The following NXPH1 variants were observed in gnomAD, a reference collection of about 807,000 sequenced individuals.
NXPH1 encodes neurexophilin 1.
A neutral mutation model predicts 23.7 loss-of-function variants in NXPH1; 5 were observed. The observed-to-expected ratio is 0.21, with a 90% CI of 0.11 to 0.44. NXPH1 has a LOEUF of 0.44. Among genes scored for constraint, NXPH1 ranks in the 20% least tolerant of loss-of-function variants. NXPH1 has a pLI of 0.99. For synonymous variants in NXPH1, 144 were observed against 122.2 expected (o/e 1.18, Z -1.18); for missense variants, 324 against 321.6 (o/e 1.01, Z -0.06).
chr7:8,654,602 C>T (rs187749539), intron 2 of NXPH1, among the ~76,000 whole-genome samples: 14 of 152,290 alleles, frequency 9.2e-5, no homozygotes, highest in Non-Finnish European at 1.9e-4. Flanking sequence ...CTTTGTGTGG[C>T]CTATAAAACA....
chr7:8,460,318 A>G (rs1223914991), intron 2 of NXPH1, among the ~76,000 whole-genome samples: 2 of 152,158 alleles, frequency 1.3e-5, no homozygotes, highest in Non-Finnish European at 2.9e-5. Flanking sequence ...TTCCCATTCC[A>G]AAAGAAGATG....
intron 2 of NXPH1, among the ~76,000 whole-genome samples, chr7:8,452,120 A>G (rs954607718): frequency 3.9e-5 from 6 of 152,216 alleles, no homozygotes; most frequent in Non-Finnish European, 8.8e-5. Flanking sequence ...AGGCCCGGAA[A>G]TGGAACTTTG....
At chr7:8,641,683 C>A (rs555236604) in intron 2 of NXPH1, among the ~76,000 whole-genome samples, 8 of 152,196 alleles carry the variant, frequency 5.3e-5, no homozygotes, top group South Asian at 4.1e-4. Context: ...ATGAGAATTT[C>A]CACCACTCCT....
chr7:8,496,195 T>G (rs1817334962), intron 2 of NXPH1, among the ~76,000 whole-genome samples: 2 of 152,024 alleles, frequency 1.3e-5, no homozygotes, highest in Admixed American at 1.3e-4. Context: ...TACCATTTCA[T>G]GTCGGGCCTT....
At chr7:8,687,119 C>G (rs1398999844) in intron 2 of NXPH1, among the ~76,000 whole-genome samples, 1 of 152,104 alleles carries the variant, frequency 6.6e-6, no homozygotes, top group Non-Finnish European at 1.5e-5. Flanking sequence ...TCATTACCTT[C>G]CTACTTACTC....
At chr7:8,679,336 A>T (rs188478510) in intron 2 of NXPH1, among the ~76,000 whole-genome samples, 70 of 152,324 alleles carry the variant, frequency 4.6e-4, no homozygotes, top group African/African-American at 1.6e-3. Context: ...AATTTGCAAC[A>T]TTATGGGCTA....
chr7:8,692,388 A>C (rs1366630139), intron 2 of NXPH1, among the ~76,000 whole-genome samples: 8 of 152,188 alleles, frequency 5.3e-5, no homozygotes, highest in Non-Finnish European at 1.2e-4. Context: ...TGGTGACAGC[A>C]CTGGAGAGAA....
intron 2 of NXPH1, among the ~76,000 whole-genome samples, chr7:8,478,925 CTAT>C (rs1366174852): frequency 5.9e-5 from 9 of 152,042 alleles, no homozygotes; most frequent in Non-Finnish European, 1.2e-4. Context: ...AGGGCTCAGA[CTAT>C]TATTGGCATA....
chr7:8,699,493 G>T (rs1472606611), intron 2 of NXPH1, among the ~76,000 whole-genome samples: 1 of 152,032 alleles, frequency 6.6e-6, no homozygotes, highest in Non-Finnish European at 1.5e-5. Context: ...AATTAACTTG[G>T]CAGTAATTCT....
chr7:8,468,553 G>A (rs1816820863), intron 2 of NXPH1, among the ~76,000 whole-genome samples: 1 of 151,960 alleles, frequency 6.6e-6, no homozygotes, highest in Non-Finnish European at 1.5e-5. Flanking sequence ...CCCATGTCCT[G>A]CTATCTTATT....
intron 2 of NXPH1, among the ~76,000 whole-genome samples, chr7:8,674,504 T>C (rs75650453): frequency 0.017 from 2,638 of 152,204 alleles, 79 homozygotes; most frequent in African/African-American, 0.06. Flanking sequence ...CTAAGAAATA[T>C]GGGTGCATTC....
rs370647201 is a variant in NXPH1, at chr7:8,473,467, A to G, written c.54+37700A>G. Among the ~76,000 whole-genome samples, 18 of 152,254 alleles carry G rather than the reference A, an allele frequency of 1.2e-4. No individual in the cohort carries two copies. The East Asian group carries it at 3.3e-3, about 28-fold the overall frequency. ...TAGTGTCCTATACCCCCTGCCATCT[A>G]AAACTGGCATGCGGGTGTGAGGCTT... On this transcript the variant is annotated intron_variant, in intron 2 of 2. Transcript: ENST00000405863.
chr7:8,637,922 T>G (rs1395714734), intron 2 of NXPH1, among the ~76,000 whole-genome samples: 3 of 152,194 alleles, frequency 2.0e-5, no homozygotes, highest in Admixed American at 6.5e-5. Context: ...TTTAAAAACA[T>G]GCACTGAATA....
At chr7:8,717,979 T>C (rs1463473441) in intron 2 of NXPH1, among the ~76,000 whole-genome samples, 2 of 151,858 alleles carry the variant, frequency 1.3e-5, no homozygotes, top group African/African-American at 2.4e-5. Flanking sequence ...TACATTTATT[T>C]TGGCTTGATG....
chr7:8,560,002 G>A (rs1818414436), intron 2 of NXPH1, among the ~76,000 whole-genome samples: 1 of 151,682 alleles, frequency 6.6e-6, no homozygotes, highest in Non-Finnish European at 1.5e-5. Flanking sequence ...GTAGAGCCAT[G>A]CATTTGCCGT....
chr7:8,615,815 G>A (rs188963926), intron 2 of NXPH1, among the ~76,000 whole-genome samples: 339 of 152,130 alleles, frequency 2.2e-3, no homozygotes, highest in Non-Finnish European at 4.0e-3. Flanking sequence ...AAAATTGCAA[G>A]GATGACAAGT....
intron 2 of NXPH1, among the ~76,000 whole-genome samples, chr7:8,671,714 T>C (rs1388889435): frequency 6.6e-6 from 1 of 152,228 alleles, no homozygotes; most frequent in Non-Finnish European, 1.5e-5. Flanking sequence ...GCACTGGTTC[T>C]ATCATAAGGT....
chr7:8,487,970 C>T (rs1436981468), intron 2 of NXPH1, among the ~76,000 whole-genome samples: 2 of 152,074 alleles, frequency 1.3e-5, no homozygotes, highest in African/African-American at 4.8e-5. Context: ...TTATAAAAGG[C>T]CATTACAAGG....
rs1400390100 is a variant in NXPH1, at chr7:8,585,165, G to GGTAA, written c.54+149399_54+149402dup. 4.6e-5 allele frequency among the ~76,000 whole-genome samples: 7 copies of GGTAA among 152,196 alleles called. No individual in the cohort carries two copies. The South Asian group carries it at 1.5e-3, about 32-fold the overall frequency. On this transcript the variant is annotated intron_variant, in intron 2 of 2. Transcript: ENST00000405863. ...AAATTATTCTATGTCTGCAACATCT[G>GGTAA]GTAACATGAAATACTTCGTTTGCTT...
Sources: allele counts gnomAD v4.1 joint callset (sites outside exome capture counted in the v4.1 genomes callset), GRCh38; gene constraint gnomAD v4.1.1; transcripts MANE v1.5; gene names NCBI Gene and HGNC (gene_info 2026-07-23, HGNC 2026-07-21).